CBFB: variants seen among roughly 807,000 people sequenced by gnomAD.
The protein encoded by CBFB is core-binding factor subunit beta.
Under a neutral mutation model 30.4 loss-of-function variants are expected in CBFB, and 9 were observed. That is an observed-to-expected ratio of 0.30 (90% CI 0.18 to 0.52). CBFB has a LOEUF of 0.52. Ranked by LOEUF, CBFB falls within the 20% of genes least tolerant of loss-of-function variation. The probability of loss-of-function intolerance (pLI) is 0.97; values close to 1 mark genes in which losing one functional copy is unlikely to be tolerated. For synonymous variants in CBFB, 94 were observed against 84.0 expected (o/e 1.12, Z -0.65); for missense variants, 170 against 244.0 (o/e 0.70, Z 2.02).
chr16:67,029,518 C>T, intron 1 of CBFB, 33 bp downstream of exon 1: 2 of 1,563,090 alleles, frequency 1.3e-6, no homozygotes, highest in Non-Finnish European at 1.7e-6. Flanking sequence ...TAGGAGGCCG[C>T]AGCGCGCCCC....
In CBFB at chr16:67,029,475, G is replaced by A; in HGVS notation, c.68G>A (p.Arg23His). The A allele has an allele frequency of 1.3e-6, 2 of 1,589,924 alleles. No individual in the cohort carries two copies. Among genetic ancestry groups the A allele is most frequent in the East Asian group, 2.4e-5 (1 of 42,378 alleles). Residue 23 changes from arginine (R) to histidine (H), a missense_variant, in exon 1 of 6, where the codon CGC becomes CAC. Physicochemically the swap from Arg to His is conservative, Grantham distance 29. Transcript: ENST00000412916. ...GAGGAGTTTTTTAGGAAGCTGAGCCGCGAGTGTGAGGTGAGGCAGGCGGGC... is the reference window on the plus strand; with the variant it reads ...GAGGAGTTTTTTAGGAAGCTGAGCCACGAGTGTGAGGTGAGGCAGGCGGGC... ...ENEEFFRKLS[R>H]ECEIKYTGFR...
chr16:67,094,979 A>G (rs1204129646), intron 5 of CBFB, among the ~76,000 whole-genome samples: 1 of 151,840 alleles, frequency 6.6e-6, no homozygotes, highest in African/African-American at 2.4e-5. Context: ...TGCTTTTGAG[A>G]GGCTGAGGCA....
chr16:67,098,058 TGTTAAA>T (rs770752113), intron 5 of CBFB, among the ~76,000 whole-genome samples: 7 of 152,338 alleles, frequency 4.6e-5, no homozygotes, highest in Admixed American at 3.3e-4. Context: ...TTGGCTAATG[TGTTAAA>T]GTTAAATCCT....
At chr16:67,073,380 A>C (rs1173039663) in intron 4 of CBFB, among the ~76,000 whole-genome samples, 1 of 152,194 alleles carries the variant, frequency 6.6e-6, no homozygotes, top group Non-Finnish European at 1.5e-5. Flanking sequence ...TGCCAAGTTC[A>C]GTTACTTCAG....
At chr16:67,037,417 AT>A (rs1442806171) in intron 3 of CBFB, among the ~76,000 whole-genome samples, 1 of 152,224 alleles carries the variant, frequency 6.6e-6, no homozygotes, top group Non-Finnish European at 1.5e-5. Context: ...AGGTTTAAAA[AT>A]TAATAGTATT....
intron 2 of CBFB, chr16:67,030,087 G>A (rs558793334): frequency 2.6e-6 from 1 of 389,194 alleles, no homozygotes. Flanking sequence ...CAAGCGAAGG[G>A]CATTGTTTAG....
intron 3 of CBFB, among the ~76,000 whole-genome samples, chr16:67,039,946 C>T (rs563789018): frequency 1.6e-3 from 239 of 152,240 alleles, no homozygotes; most frequent in African/African-American, 5.5e-3. Context: ...TCATGTATTT[C>T]TCAGATAGAA....
chr16:67,080,876 A>G (rs1273780330), intron 4 of CBFB, among the ~76,000 whole-genome samples: 2 of 152,222 alleles, frequency 1.3e-5, no homozygotes, highest in Non-Finnish European at 2.9e-5. Context: ...AGAAAACGGA[A>G]GAGCATTTTC....
chr16:67,072,233 A>G (rs987102228), intron 4 of CBFB, among the ~76,000 whole-genome samples: 8 of 152,158 alleles, frequency 5.3e-5, no homozygotes, highest in African/African-American at 1.9e-4. Flanking sequence ...CCCTAGAAAA[A>G]TTGTTTCATT....
intron 3 of CBFB, among the ~76,000 whole-genome samples, chr16:67,050,431 A>C (rs1054090446): frequency 1.3e-5 from 2 of 151,844 alleles, no homozygotes; most frequent in African/African-American, 4.8e-5. Flanking sequence ...ACAGATATAC[A>C]TATATACGTA....
chr16:67,053,244 CTCTCT>C (rs1473245176), intron 3 of CBFB, among the ~76,000 whole-genome samples: 2 of 144,246 alleles, frequency 1.4e-5, no homozygotes, highest in African/African-American at 5.3e-5. Flanking sequence ...ATGTCACTTT[CTCTCT>C]TTTTTTTTTT....
intron 3 of CBFB, among the ~76,000 whole-genome samples, chr16:67,046,406 GTTAA>G (rs1966628355): frequency 6.6e-6 from 1 of 151,986 alleles, no homozygotes; most frequent in Non-Finnish European, 1.5e-5. Context: ...TTTTTTAATG[GTTAA>G]TTCAAATGCT....
chr16:67,076,006 C>T (rs899504565), intron 4 of CBFB, among the ~76,000 whole-genome samples: 13 of 152,096 alleles, frequency 8.5e-5, no homozygotes, highest in African/African-American at 3.1e-4. Flanking sequence ...CCAAGGTGGG[C>T]AGATCACAAG....
intron 3 of CBFB, among the ~76,000 whole-genome samples, chr16:67,041,199 G>T (rs995208769): frequency 1.3e-5 from 2 of 152,154 alleles, no homozygotes; most frequent in African/African-American, 4.8e-5. Flanking sequence ...GTCAGCTTCC[G>T]AAGTAGCTGG....
Position 67,036,834 on chromosome 16 carries a change from A to G in CBFB, c.282+79A>G, listed in dbSNP as rs1173500540. ...TATCTGGTAATTTACATTTTAATAA[A>G]GATCACAGATCTGATTATACCAGCA... On this transcript the variant is annotated intron_variant, in intron 3 of 5. Coordinates refer to ENST00000412916, the MANE Select transcript of CBFB (RefSeq NM_022845.3). The G allele has an allele frequency of 6.1e-6, 5 of 825,138 alleles. No individual in the cohort carries two copies. The Admixed American group carries it at 8.7e-5, about 14-fold the overall frequency. The allele number at this position is 825,138 out of a possible 1,614,324, so 51.1% of individuals were successfully genotyped here.
chr16:67,062,624 T>G (rs1192340154), intron 3 of CBFB, among the ~76,000 whole-genome samples: 1 of 151,494 alleles, frequency 6.6e-6, no homozygotes, highest in Non-Finnish European at 1.5e-5. Context: ...AAACCCCGTC[T>G]CTACTAAAAA....
chr16:67,056,708 A>C (rs1960735306), intron 3 of CBFB, among the ~76,000 whole-genome samples: 2 of 147,532 alleles, frequency 1.4e-5, no homozygotes, highest in Non-Finnish European at 3.0e-5. Flanking sequence ...TTTAAGACAG[A>C]GTCTCGCTCT....
chr16:67,092,932 C>T (rs933210685), intron 5 of CBFB, among the ~76,000 whole-genome samples: 70 of 151,800 alleles, frequency 4.6e-4, no homozygotes, highest in Non-Finnish European at 2.4e-4. Flanking sequence ...AGGCTGATCT[C>T]GAACTCCTCA....
At chr16:67,046,991 G>A (rs1024499248) in intron 3 of CBFB, among the ~76,000 whole-genome samples, 2 of 152,062 alleles carry the variant, frequency 1.3e-5, no homozygotes, top group Admixed American at 6.6e-5. Context: ...TCAAATTGAT[G>A]TGTGTTTAGG....
Sources: gnomAD v4.1 joint callset for allele counts (sites outside exome capture counted in the v4.1 genomes callset) on GRCh38, gnomAD v4.1.1 for gene constraint, MANE v1.5 for transcripts, NCBI Gene and HGNC (gene_info 2026-07-23, HGNC 2026-07-21) for gene names.